The following FGF13 variants were observed in gnomAD, a reference collection of about 807,000 sequenced individuals.
FGF13 encodes fibroblast growth factor homologous factor 2.
A neutral mutation model predicts 19.5 loss-of-function variants in FGF13; 2 were observed. That is an observed-to-expected ratio of 0.10 (90% CI 0.04 to 0.32). FGF13 has a LOEUF of 0.32. FGF13 is among the 10% of genes least tolerant of loss of function. The pLI is 1.00. For synonymous variants in FGF13, 72 were observed against 76.9 expected, an observed-to-expected ratio of 0.94 and a Z score of 0.33; for missense variants, 113 against 192.7, an observed-to-expected ratio of 0.59 and a Z score of 2.45.
intron 1 of FGF13, among the ~76,000 whole-genome samples, chrX:138,883,228 G>T (rs1313647431): frequency 8.9e-6 from 1 of 111,952 alleles, no homozygotes; most frequent in African/African-American, 3.2e-5. Context: ...CTATTCCTGA[G>T]ATTGCAGAAG....
chrX:138,736,590 A>G (rs971838393), intron 1 of FGF13, among the ~76,000 whole-genome samples: 3 of 110,622 alleles, frequency 2.7e-5, no homozygotes, highest in Non-Finnish European at 5.7e-5. Context: ...AGAACAGCTG[A>G]AAGTACACAT....
At chrX:138,911,912 A>G (rs146127737) in intron 1 of FGF13, among the ~76,000 whole-genome samples, 1,249 of 112,177 alleles carry the variant, frequency 0.011, 14 homozygotes, top group African/African-American at 0.037. Flanking sequence ...GGAAATGTCC[A>G]ATACATATCG....
At chrX:139,021,577 GTAAT>G (rs764886046) in intron 1 of FGF13, among the ~76,000 whole-genome samples, 28 of 111,113 alleles carry the variant, frequency 2.5e-4, no homozygotes, top group African/African-American at 9.1e-4. Context: ...CCTGCACCCA[GTAAT>G]TAGAGAATAC....
intron 1 of FGF13, among the ~76,000 whole-genome samples, chrX:138,873,273 G>C (rs1048665004): frequency 1.8e-5 from 2 of 111,502 alleles, no homozygotes; most frequent in Non-Finnish European, 3.8e-5. Flanking sequence ...ACACCAGGTA[G>C]AAGGAAAGAG....
intron 1 of FGF13, among the ~76,000 whole-genome samples, chrX:138,932,173 G>A (rs1261275938): frequency 8.9e-6 from 1 of 111,803 alleles, no homozygotes; most frequent in African/African-American, 3.3e-5. Flanking sequence ...CTTAAATATC[G>A]CCACGAAGAT....
intron 1 of FGF13, among the ~76,000 whole-genome samples, chrX:139,031,514 A>C (rs2092226379): frequency 9.0e-6 from 1 of 111,204 alleles, no homozygotes; most frequent in Non-Finnish European, 1.9e-5. Flanking sequence ...AAAGTAGGCA[A>C]TATCATTACT....
intron 1 of FGF13, among the ~76,000 whole-genome samples, chrX:138,940,457 T>C (rs2091752411): frequency 8.9e-6 from 1 of 111,884 alleles, no homozygotes; most frequent in South Asian, 3.7e-4. Flanking sequence ...TGTCAGTTTT[T>C]GTTTTTGTTG....
chrX:139,037,974 T>G (rs113533714), intron 1 of FGF13, among the ~76,000 whole-genome samples: 4 of 111,334 alleles, frequency 3.6e-5, no homozygotes, highest in Non-Finnish European at 7.5e-5. Flanking sequence ...ACAGGCTACA[T>G]CAAACCAACT....
intron 3 of FGF13, among the ~76,000 whole-genome samples, chrX:138,816,595 G>C (rs766944422): frequency 2.0e-3 from 230 of 112,382 alleles, no homozygotes; most frequent in Non-Finnish European, 3.6e-3. Flanking sequence ...GACTTTTCTG[G>C]AAGTCTGAAA....
intron 3 of FGF13, among the ~76,000 whole-genome samples, chrX:138,675,712 C>T (rs891635778): frequency 9.0e-6 from 1 of 110,933 alleles, no homozygotes; most frequent in Admixed American, 9.6e-5. Flanking sequence ...AAAACGATGC[C>T]ACAAATTAAA....
chrX:138,841,536 A>G (rs1212361473), intron 3 of FGF13, among the ~76,000 whole-genome samples: 1 of 110,370 alleles, frequency 9.1e-6, no homozygotes, highest in Non-Finnish European at 1.9e-5. Context: ...ATTTATATAT[A>G]TATAAGGATA....
chrX:139,160,994 A>C (rs961974011), intron 1 of FGF13, among the ~76,000 whole-genome samples: 1 of 112,078 alleles, frequency 8.9e-6, no homozygotes, highest in Non-Finnish European at 1.9e-5. Context: ...AACTCATTTT[A>C]TGAGGCCAGC....
intron 1 of FGF13, among the ~76,000 whole-genome samples, chrX:138,884,640 T>C (rs910324140): frequency 1.8e-5 from 2 of 112,065 alleles, no homozygotes; most frequent in African/African-American, 3.2e-5. Flanking sequence ...TTGGCTATTA[T>C]TGAGAAATAT....
intron 1 of FGF13, among the ~76,000 whole-genome samples, chrX:138,895,495 A>C (rs1309689679): frequency 8.9e-6 from 1 of 112,064 alleles, no homozygotes; most frequent in Non-Finnish European, 1.9e-5. Context: ...TAATGAGGTA[A>C]TCACCTCACA....
At position 138,626,118 on chromosome X, in the gene FGF13, C is replaced by T. The variant is rs2089061744; in HGVS notation, c.*6732G>A. 8.9e-6 allele frequency: 1 copy of T among 112,001 alleles called. No individual in the cohort carries two copies. Among genetic ancestry groups the T allele is most frequent in the African/African-American group, 3.2e-5 (1 of 30,779 alleles). 9.2% of individuals were successfully genotyped at this position (112,001 alleles called of 1,213,427 possible). On this transcript the variant is annotated 3_prime_UTR_variant, in exon 5 of 5. Coordinates refer to ENST00000315930, the MANE Select transcript of FGF13 (RefSeq NM_004114.5). ...GGTTTCTACAAAACATGTAGAGCAA[C>T]TCCATTTCAGAGATGCTCAAATAAT... is the stretch of plus-strand genomic sequence containing the variant.
At chrX:138,879,928 C>G (rs955355993) in intron 1 of FGF13, among the ~76,000 whole-genome samples, 1 of 111,724 alleles carries the variant, frequency 9.0e-6, no homozygotes, top group Non-Finnish European at 1.9e-5. Flanking sequence ...TGCAGTCTAT[C>G]CATCTGACAA....
chrX:138,974,989 A>G (rs2091934252), intron 1 of FGF13, among the ~76,000 whole-genome samples: 1 of 112,550 alleles, frequency 8.9e-6, no homozygotes, highest in Non-Finnish European at 1.9e-5. Flanking sequence ...TGCCAGAGGC[A>G]GTCTGGAGAG....
intron 3 of FGF13, among the ~76,000 whole-genome samples, chrX:138,784,655 A>T (rs767941838): frequency 1.4e-4 from 16 of 110,860 alleles, no homozygotes; most frequent in Admixed American, 3.9e-4. Context: ...GAGTAATCTC[A>T]TTCTATTAAT....
intron 3 of FGF13, among the ~76,000 whole-genome samples, chrX:138,652,601 T>A (rs1440970785): frequency 8.9e-6 from 1 of 112,170 alleles, no homozygotes; most frequent in Non-Finnish European, 1.9e-5. Context: ...ATTAGACCTG[T>A]CATAAAATAT....
Sources: allele counts gnomAD v4.1 joint callset (sites outside exome capture counted in the v4.1 genomes callset), GRCh38; gene constraint gnomAD v4.1.1; transcripts MANE v1.5; gene names NCBI Gene and HGNC (gene_info 2026-07-23, HGNC 2026-07-21).